Variants in TRIOBP observed in about 807,000 individuals in gnomAD.
TRIOBP encodes the protein TRIO and F-actin binding protein.
In TRIOBP, 169 loss-of-function variants were observed where a neutral mutation model predicts 238.8. The ratio of observed to expected loss-of-function variants is 0.71; its 90% CI spans 0.62 to 0.80. The LOEUF (loss-of-function observed/expected upper bound fraction) is 0.80, where lower values mean the gene tolerates loss of function less well. Among genes scored for constraint, TRIOBP ranks in the 30% least tolerant of loss-of-function variants. The probability of loss-of-function intolerance (pLI) is 0.00; values close to 1 mark genes in which losing one functional copy is unlikely to be tolerated. For synonymous variants in TRIOBP, 1,150 were observed against 1,274.4 expected (o/e 0.90, Z 2.08); for missense variants, 2,838 against 3,122.6 (o/e 0.91, Z 2.17).
Position 37,767,952 on chromosome 22 carries a change from G to GCATAGTACTATGTGGAGTCCA in TRIOBP, c.6473-112_6473-92dup, listed in dbSNP as rs1178929077. On this transcript the variant is annotated intron_variant, in intron 18 of 23. Coordinates refer to ENST00000644935, the MANE Select transcript of TRIOBP (RefSeq NM_001039141.3). ...TCCTTGGTCCAAGTCCATAGTACTT[G>GCATAGTACTATGTGGAGTCCA]CATAGTACTATGTGGAGTCCACATA... 3.8e-6 allele frequency: 3 copies of GCATAGTACTATGTGGAGTCCA among 786,174 alleles called. No homozygotes were observed. The African/African-American group carries it at 5.1e-5, about 13-fold the overall frequency. 48.7% of individuals were successfully genotyped at this position (786,174 alleles called of 1,614,324 possible). A position where few individuals can be genotyped will look rare whatever the true frequency, so the allele number is the denominator to read the frequency against.
intron 9 of TRIOBP, among the ~76,000 whole-genome samples, chr22:37,735,878 T>C (rs1346639388): frequency 6.6e-6 from 1 of 152,184 alleles, no homozygotes; most frequent in Non-Finnish European, 1.5e-5. Context: ...ATACCTGGTT[T>C]ATGTTGTGTC....
intron 11 of TRIOBP, among the ~76,000 whole-genome samples, chr22:37,749,979 CCTT>C (rs1235424063): frequency 6.6e-6 from 1 of 152,082 alleles, no homozygotes; most frequent in Non-Finnish European, 1.5e-5. Flanking sequence ...AAATTGGTGA[CCTT>C]CTATCCCCAA....
rs771765530 is a variant in TRIOBP, at chr22:37,757,804, G to A, written c.5879G>A (p.Arg1960His). 5.9e-5 allele frequency: 92 copies of A among 1,547,274 alleles called. No homozygotes were observed. The highest frequency in any genetic ancestry group is 1.7e-4 in the Middle Eastern group (1 of 5,974). The change falls in exon 16 of 24, where the codon CGC (arginine) becomes CAC (histidine). Residue 1960 changes from arginine to histidine, a missense_variant. Transcript: ENST00000644935. ...PLTQASPQRA[R>H]TPARTPDRLA... ...ACCCAGGCTTCCCCGCAGCGGGCCCGCACCCCAGCCCGCACTCCTGACCGC... is the reference window on the plus strand; with the variant it reads ...ACCCAGGCTTCCCCGCAGCGGGCCCACACCCCAGCCCGCACTCCTGACCGC...
At chr22:37,697,471 G>T (rs893828998) in intron 1 of TRIOBP, 117 bp from the exon 2 acceptor site, 1 of 152,224 alleles carries the variant, frequency 6.6e-6, no homozygotes, top group African/African-American at 2.4e-5. Flanking sequence ...CCACCACCAG[G>T]AGTCGGGAGG....
chr22:37,758,078 C>T lies in TRIOBP; in HGVS notation c.6153C>T (p.Asn2051=). 6.2e-7 allele frequency: 1 copy of T among 1,611,534 alleles called. No homozygotes were observed. The highest frequency in any genetic ancestry group is 8.5e-7 in the Non-Finnish European group (1 of 1,179,884). Residue 2051 remains asparagine, a synonymous_variant, in exon 16 of 24, where the codon AAC becomes AAT. Coordinates refer to ENST00000644935, the MANE Select transcript of TRIOBP (RefSeq NM_001039141.3). Reference sequence around the variant, plus strand: ...GGGTGCCCCTCACTGCCCTGCTCAACCAAAGCCGCGGAGAGCGCCGAGGGC... The same window carrying T: ...GGGTGCCCCTCACTGCCCTGCTCAATCAAAGCCGCGGAGAGCGCCGAGGGC... ...NKRVPLTALL[N]QSRGERRGPP...
At chr22:37,716,680 C>A (rs542250943) in intron 6 of TRIOBP, among the ~76,000 whole-genome samples, 1 of 152,326 alleles carries the variant, frequency 6.6e-6, no homozygotes, top group African/African-American at 2.4e-5. Context: ...CAGGAGTGAG[C>A]CACTATGCCT....
At chr22:37,699,474 A>T (rs918251909) in intron 2 of TRIOBP, among the ~76,000 whole-genome samples, 1 of 148,824 alleles carries the variant, frequency 6.7e-6, no homozygotes, top group Admixed American at 6.6e-5. Flanking sequence ...ATTGGCATTA[A>T]TTTGATCTAC....
chr22:37,737,583 C>G (rs962104595), intron 9 of TRIOBP, among the ~76,000 whole-genome samples: 1 of 151,450 alleles, frequency 6.6e-6, no homozygotes, highest in Non-Finnish European at 1.5e-5. Flanking sequence ...ATGGTGTGAA[C>G]CCGGGAGGTG....
At chr22:37,731,659 G>T (rs962229350) in intron 7 of TRIOBP, among the ~76,000 whole-genome samples, 6 of 151,454 alleles carry the variant, frequency 4.0e-5, no homozygotes, top group Non-Finnish European at 7.4e-5. Flanking sequence ...GTTTCACTAT[G>T]TTGACCAGGC....
At chr22:37,735,586 C>T in intron 9 of TRIOBP, 144 bp downstream of exon 9, 1 of 967,820 alleles carries the variant, frequency 1.0e-6, no homozygotes, top group Non-Finnish European at 1.6e-6. Flanking sequence ...CTGACCACAA[C>T]CCATCCCGAT....
intron 11 of TRIOBP, among the ~76,000 whole-genome samples, chr22:37,742,587 G>A (rs555560651): frequency 1.3e-5 from 2 of 152,252 alleles, no homozygotes; most frequent in East Asian, 3.9e-4. Context: ...GCTGCTCTTT[G>A]TGGTTAAGGC....
chr22:37,764,150 G>A (rs1348009083), intron 17 of TRIOBP, among the ~76,000 whole-genome samples: 2 of 152,212 alleles, frequency 1.3e-5, no homozygotes, highest in Admixed American at 1.3e-4. Context: ...AAGGTCAGCT[G>A]ATTAGCAACC....
chr22:37,735,574 T>G, intron 9 of TRIOBP, 132 bp downstream of exon 9: 4 of 1,072,600 alleles, frequency 3.7e-6, no homozygotes, highest in Non-Finnish European at 5.5e-6. Context: ...TCAGCCTCCC[T>G]GCTGACCACA....
chr22:37,752,347 C>T lies in TRIOBP; in HGVS notation c.5379+519C>T, dbSNP rs867585301. Among the ~76,000 whole-genome samples the T allele has an allele frequency of 1.6e-4, 24 of 152,306 alleles. 1 individual carries two copies. Among genetic ancestry groups the T allele is most frequent in the Middle Eastern group, 6.8e-3 (2 of 294 alleles). ...ATAACAAGGTCAGAGAGATCAAGCA[C>T]GTACAGGTGCCACAAAGCTCCTGGC... On this transcript the variant is annotated intron_variant, in intron 12 of 23. Transcript: ENST00000644935.
At chr22:37,762,712 G>C (rs192596220) in intron 17 of TRIOBP, among the ~76,000 whole-genome samples, 70 of 152,316 alleles carry the variant, frequency 4.6e-4, no homozygotes. Context: ...AGGCAGCAGA[G>C]AAGAAGAGCT....
At chr22:37,740,694 C>T (rs1344905316) in intron 10 of TRIOBP, among the ~76,000 whole-genome samples, 1 of 152,218 alleles carries the variant, frequency 6.6e-6, no homozygotes, top group Non-Finnish European at 1.5e-5. Context: ...AGGTGCTGAG[C>T]CCTGGGAGCC....
At chr22:37,746,106 C>T in intron 11 of TRIOBP, 1 of 859,176 alleles carries the variant, frequency 1.2e-6, no homozygotes, top group South Asian at 5.2e-5. Flanking sequence ...TGCGGCAGGT[C>T]CCGCCCCCGG....
chr22:37,702,059 C>T (rs1446134246), intron 3 of TRIOBP, among the ~76,000 whole-genome samples: 8 of 151,878 alleles, frequency 5.3e-5, no homozygotes, highest in Non-Finnish European at 8.8e-5. Context: ...GCCGAGATCG[C>T]GCCATTGCAC....
intron 23 of TRIOBP, among the ~76,000 whole-genome samples, chr22:37,773,312 A>G (rs1286445382): frequency 1.3e-5 from 2 of 151,960 alleles, no homozygotes; most frequent in African/African-American, 4.8e-5. Flanking sequence ...TCAACCTCCT[A>G]GGCTCAAGGG....
Sources: allele counts gnomAD v4.1 joint callset (sites outside exome capture counted in the v4.1 genomes callset), GRCh38; gene constraint gnomAD v4.1.1; transcripts MANE v1.5; gene names NCBI Gene and HGNC (gene_info 2026-07-23, HGNC 2026-07-21).